Variants in DHX40 observed in about 807,000 individuals in gnomAD.
The protein encoded by DHX40 is probable ATP-dependent RNA helicase DHX40.
A neutral mutation model predicts 89.6 loss-of-function variants in DHX40; 28 were observed. The observed-to-expected ratio is 0.31, with a 90% CI of 0.23 to 0.43. The LOEUF is 0.43. Among genes scored for constraint, DHX40 ranks in the 20% least tolerant of loss-of-function variants. DHX40 has a pLI of 1.00. For synonymous variants in DHX40, 226 were observed against 283.6 expected, an observed-to-expected ratio of 0.80 and a Z score of 2.04; for missense variants, 457 against 844.0, an observed-to-expected ratio of 0.54 and a Z score of 5.68.
intron 2 of DHX40, 79 bp downstream of exon 2, chr17:59,566,873 C>A (rs996114541): frequency 8.0e-7 from 1 of 1,253,140 alleles, no homozygotes. Context: ...TTCTGTACTC[C>A]ATGATTGCCC....
chr17:59,570,283 TTATA>T (rs1298168905), intron 2 of DHX40, among the ~76,000 whole-genome samples: 4 of 130,296 alleles, frequency 3.1e-5, no homozygotes, highest in Non-Finnish European at 6.3e-5. Context: ...TGGATTTATA[TTATA>T]TATATTTATA....
chr17:59,602,775 G>A (rs2030613525), intron 15 of DHX40, among the ~76,000 whole-genome samples, 159 bp downstream of exon 15: 1 of 152,218 alleles, frequency 6.6e-6, no homozygotes, highest in African/African-American at 2.4e-5. Flanking sequence ...ACGAGGGAGA[G>A]CTGCAGTGGC....
In DHX40 at chr17:59,606,521, C is replaced by T. The variant is rs186389921; in HGVS notation, c.2201-512C>T. On this transcript the variant is annotated intron_variant, in intron 17 of 17. Transcript: ENST00000251241. ...CAGCACTTTGGGAGACCAAGGCGGG[C>T]GGATCACGAGGTCAGGAGATCGAGA... Among the ~76,000 whole-genome samples, 534 of 152,140 alleles carry T rather than the reference C, an allele frequency of 3.5e-3. 3 individuals carry two copies. Among genetic ancestry groups the T allele is most frequent in the African/African-American group, 0.012 (491 of 41,506 alleles).
chr17:59,571,651 C>T (rs558487050), intron 3 of DHX40, among the ~76,000 whole-genome samples: 17 of 150,764 alleles, frequency 1.1e-4, no homozygotes, highest in Middle Eastern at 3.4e-3. Flanking sequence ...AGTGCAGTGG[C>T]GCAACCTCCA....
At chr17:59,597,990 C>T (rs1347598160) in intron 12 of DHX40, among the ~76,000 whole-genome samples, 17 of 148,842 alleles carry the variant, frequency 1.1e-4, no homozygotes, top group Non-Finnish European at 2.2e-4. Context: ...CCTCAGCCTC[C>T]TGAGTAGCTG....
chr17:59,566,569 A>G, intron 1 of DHX40, 58 bp from the exon 2 acceptor site: 3 of 1,478,808 alleles, frequency 2.0e-6, no homozygotes. Flanking sequence ...GTCATGAGAA[A>G]TTGAGTCAGA....
chr17:59,587,962 T>C lies in DHX40; in HGVS notation c.1491T>C (p.Cys497=), dbSNP rs1195231251. ...VEFPLPPHLT[C]AVIKAASLDC... ...TTCCTTTGCCTCCACATCTGACATG[T>C]GCAGTAATAAAAGCTGCTTCCCTGG... The change falls in exon 12 of 18, where the codon TGT becomes TGC. Residue 497 remains cysteine (C), a synonymous_variant. Coordinates refer to ENST00000251241, the MANE Select transcript of DHX40 (RefSeq NM_024612.5). The C allele has an allele frequency of 6.2e-7, 1 of 1,613,676 alleles. No individual in the cohort carries two copies. The highest frequency in any genetic ancestry group is 1.7e-5 in the Admixed American group (1 of 59,982).
At chr17:59,575,920 G>C (rs1164220831) in intron 7 of DHX40, among the ~76,000 whole-genome samples, 1 of 150,108 alleles carries the variant, frequency 6.7e-6, no homozygotes, top group African/African-American at 2.5e-5. Flanking sequence ...ATGGAGTCTC[G>C]TTCTTGTCAT....
chr17:59,598,369 A>G (rs1158008361), intron 12 of DHX40, among the ~76,000 whole-genome samples: 2 of 152,156 alleles, frequency 1.3e-5, no homozygotes, highest in African/African-American at 4.8e-5. Context: ...GTTTATGGGT[A>G]GTGTGACTGG....
At position 59,576,095 on chromosome 17, in the gene DHX40, G is replaced by A. The variant is rs2048879039; in HGVS notation, c.973+624G>A. Among the ~76,000 whole-genome samples the A allele has an allele frequency of 3.4e-5, 5 of 148,728 alleles. No homozygotes were observed. The South Asian group carries it at 1.1e-3, about 32-fold the overall frequency. ...TTTTTTTTTTTTTTAGCAGAGATGG[G>A]ATTTTGCCATGTTGGCCAGGCTGGT... On this transcript the variant is annotated intron_variant, in intron 7 of 17. Coordinates refer to ENST00000251241, the MANE Select transcript of DHX40 (RefSeq NM_024612.5).
intron 17 of DHX40, among the ~76,000 whole-genome samples, chr17:59,606,747 A>G (rs76417573): frequency 1.4e-5 from 2 of 147,386 alleles, no homozygotes; most frequent in African/African-American, 4.9e-5. Flanking sequence ...CTCCGTCTCA[A>G]AAAAAAAAAA....
At chr17:59,566,950 A>T (rs1383620017) in intron 2 of DHX40, among the ~76,000 whole-genome samples, 156 bp downstream of exon 2, 6 of 151,982 alleles carry the variant, frequency 3.9e-5, no homozygotes, top group Admixed American at 1.3e-4. Context: ...TTGCTTCTTT[A>T]TGGTCTATTT....
Position 59,607,435 on chromosome 17 carries a change from C to T in DHX40, c.*263C>T. On this transcript the variant is annotated 3_prime_UTR_variant, in exon 18 of 18. Coordinates refer to ENST00000251241, the MANE Select transcript of DHX40 (RefSeq NM_024612.5). Reference sequence around the variant, plus strand: ...ACAGTACATGTAATAATATTTTCCTCAGTACAATTTTGCTGGCCTTAACTG... The same window carrying T: ...ACAGTACATGTAATAATATTTTCCTTAGTACAATTTTGCTGGCCTTAACTG... The T allele has an allele frequency of 1.5e-6, 1 of 658,166 alleles. No individual in the cohort carries two copies. 40.8% of individuals were successfully genotyped at this position (658,166 alleles called of 1,614,324 possible). A position where few individuals can be genotyped will look rare whatever the true frequency, so the allele number is the denominator to read the frequency against.
intron 6 of DHX40, among the ~76,000 whole-genome samples, 181 bp downstream of exon 6, chr17:59,574,435 G>GTT (rs1406070178): frequency 1.3e-5 from 2 of 150,836 alleles, no homozygotes; most frequent in African/African-American, 4.9e-5. Flanking sequence ...AGCTGCCAAA[G>GTT]AGGATTATAT....
At position 59,607,957 on chromosome 17, in the gene DHX40, T is replaced by G. The variant is rs2030961581; in HGVS notation, c.*785T>G. 2 of 154,456 alleles carry G rather than the reference T, an allele frequency of 1.3e-5. No individual in the cohort carries two copies. Among genetic ancestry groups the G allele is most frequent in the African/African-American group, 2.4e-5 (1 of 41,478 alleles). The allele number at this position is 154,456 out of a possible 1,614,324, so 9.6% of individuals were successfully genotyped here. A position where few individuals can be genotyped will look rare whatever the true frequency, so the allele number is the denominator to read the frequency against. On this transcript the variant is annotated 3_prime_UTR_variant, in exon 18 of 18. Transcript: ENST00000251241. ...CGTACTTATATCAGCACCATGTATG[T>G]AGGTGTGATAGTACTTTCAAACAGC...
intron 10 of DHX40, among the ~76,000 whole-genome samples, chr17:59,585,755 A>G (rs1447524177): frequency 7.0e-6 from 1 of 141,908 alleles, no homozygotes; most frequent in Non-Finnish European, 1.5e-5. Context: ...CTATTGAACA[A>G]TTTATAATTT....
In DHX40 at chr17:59,599,586, CT is replaced by C. The variant is rs1312620609; in HGVS notation, c.1806+105del. ...TTAGCACCCTTTCTATTCTACCACC[CT>C]TCCATTCTATTTGTTTCTATGACCT... On this transcript the variant is annotated intron_variant, in intron 14 of 17. Transcript: ENST00000251241. The C allele has an allele frequency of 3.7e-6, 3 of 808,702 alleles. No individual in the cohort carries two copies. In the African/African-American group the frequency reaches 5.2e-5, roughly 14 times the overall value. The allele number at this position is 808,702 out of a possible 1,614,324, so 50.1% of individuals were successfully genotyped here.
chr17:59,607,246 G>T lies in DHX40; in HGVS notation c.*74G>T. 1 of 1,613,918 alleles carries T rather than the reference G, an allele frequency of 6.2e-7. No individual in the cohort carries two copies. On this transcript the variant is annotated 3_prime_UTR_variant, in exon 18 of 18. Coordinates refer to ENST00000251241, the MANE Select transcript of DHX40 (RefSeq NM_024612.5). ...TGCTTCTACTTTGCCAGTTATTTCA[G>T]ACAGCACTACCAAGAGGAGGTGGTC...
In DHX40 at chr17:59,607,055, A is replaced by C; in HGVS notation, c.2223A>C (p.Leu741Phe). 2 of 1,613,684 alleles carry C rather than the reference A, an allele frequency of 1.2e-6. No individual in the cohort carries two copies. Among genetic ancestry groups the C allele is most frequent in the Non-Finnish European group, 1.7e-6 (2 of 1,179,922 alleles). ...QLKDGISKDV[L>F]KKMQRRNDDK... The stretch of plus-strand genomic sequence containing the variant: ...CAGATGGAATATCGAAAGACGTCTT[A>C]AAGAAAATGCAAAGAAGAAATGATG... The change falls in exon 18 of 18, where the codon TTA (leucine) becomes TTC (phenylalanine). Residue 741 changes from leucine to phenylalanine, a missense_variant. Coordinates refer to ENST00000251241, the MANE Select transcript of DHX40 (RefSeq NM_024612.5).
Sources: allele counts gnomAD v4.1 joint callset (sites outside exome capture counted in the v4.1 genomes callset), GRCh38; gene constraint gnomAD v4.1.1; transcripts MANE v1.5; gene names NCBI Gene and HGNC (gene_info 2026-07-23, HGNC 2026-07-21).